The following CLVS1 variants were observed in gnomAD, a reference collection of about 807,000 sequenced individuals.
The protein encoded by CLVS1 is clavesin 1.
CLVS1 carries 10 observed loss-of-function variants against 33.1 expected under a neutral mutation model. The ratio of observed to expected loss-of-function variants is 0.30; its 90% CI spans 0.19 to 0.51. CLVS1 has a LOEUF of 0.51. Among genes scored for constraint, CLVS1 ranks in the 20% least tolerant of loss-of-function variants. CLVS1 has a pLI of 0.97. For synonymous variants in CLVS1, 163 were observed against 166.1 expected, an observed-to-expected ratio of 0.98 and a Z score of 0.14; for missense variants, 343 against 433.4, an observed-to-expected ratio of 0.79 and a Z score of 1.85.
Position 61,458,497 on chromosome 8 carries a change from C to T in CLVS1, c.932C>T (p.Thr311Met), listed in dbSNP as rs376667750. The T allele has an allele frequency of 8.1e-6, 13 of 1,613,296 alleles. No individual in the cohort carries two copies. The highest frequency in any genetic ancestry group is 1.1e-5 in the South Asian group (1 of 90,950). ...TSYNAMHVKHTSSNLERECSP... is the reference protein window; with the variant it reads ...TSYNAMHVKHMSSNLERECSP... ...TATAATGCAATGCACGTGAAGCATA[C>T]GTCCTCGAATCTGGAGAGAGAATGC... is the stretch of plus-strand genomic sequence containing the variant. The change falls in exon 5 of 6, where the codon ACG becomes ATG. Residue 311 changes from threonine (T) to methionine (M), a missense_variant. By Grantham distance (81) the Thr-to-Met change is moderately conservative (BLOSUM62 -1). Coordinates refer to ENST00000325897, the MANE Select transcript of CLVS1 (RefSeq NM_173519.3).
chr8:61,403,876 T>C (rs905266474), intron 3 of CLVS1, among the ~76,000 whole-genome samples: 1 of 152,182 alleles, frequency 6.6e-6, no homozygotes, highest in Admixed American at 6.5e-5. Flanking sequence ...AAATGGGAAA[T>C]GCTGCTTCGA....
chr8:61,245,621 T>A (rs1050931159), intron 2 of CLVS1, among the ~76,000 whole-genome samples: 1 of 151,898 alleles, frequency 6.6e-6, no homozygotes, highest in African/African-American at 2.4e-5. Flanking sequence ...TCTTATATCA[T>A]CAGCATCTTA....
At chr8:61,260,435 T>C (rs767159704) in intron 2 of CLVS1, among the ~76,000 whole-genome samples, 7 of 152,214 alleles carry the variant, frequency 4.6e-5, no homozygotes, top group Non-Finnish European at 8.8e-5. Flanking sequence ...CATTTTTCCT[T>C]AGGCTGCTAG....
chr8:61,140,062 C>T (rs542947256), intron 2 of CLVS1, among the ~76,000 whole-genome samples: 1 of 152,228 alleles, frequency 6.6e-6, no homozygotes, highest in East Asian at 1.9e-4. Context: ...AAGTTAAGTC[C>T]TTCTAGAAGG....
chr8:61,122,602 A>ACACC (rs1355179743), intron 1 of CLVS1, among the ~76,000 whole-genome samples: 49 of 151,826 alleles, frequency 3.2e-4, no homozygotes, highest in African/African-American at 1.2e-3. Context: ...ACACACACAC[A>ACACC]CACACACACA....
intron 2 of CLVS1, among the ~76,000 whole-genome samples, chr8:61,310,029 T>C (rs986884802): frequency 5.9e-5 from 9 of 152,092 alleles, no homozygotes; most frequent in African/African-American, 2.2e-4. Context: ...ATGGTGAATA[T>C]TGGTGAGGAA....
chr8:60,986,506 A>T, the CLVS1 span, among the ~76,000 whole-genome samples: 1 of 152,226 alleles, frequency 6.6e-6, no homozygotes, highest in Admixed American at 6.5e-5. Flanking sequence ...CTCAGTGGGG[A>T]CCATTTGCAA....
At chr8:61,375,508 C>T (rs1813608804) in intron 2 of CLVS1, among the ~76,000 whole-genome samples, 1 of 152,144 alleles carries the variant, frequency 6.6e-6, no homozygotes, top group Admixed American at 6.5e-5. Flanking sequence ...GCTTCGGCCT[C>T]TAAAAGTCCT....
In CLVS1 at chr8:61,457,166, A is replaced by T. The variant is rs991766677; in HGVS notation, c.742-1141A>T. Among the ~76,000 whole-genome samples the T allele has an allele frequency of 4.6e-5, 7 of 151,976 alleles. No individual in the cohort carries two copies. In the South Asian group the frequency reaches 1.5e-3, roughly 32 times the overall value. ...TGGCCAGGCTGGTCTCGAACTCCTG[A>T]CCTCAGGTGATCTGCCCTCCTCAGC... On this transcript the variant is annotated intron_variant, in intron 4 of 5. Coordinates refer to ENST00000325897, the MANE Select transcript of CLVS1 (RefSeq NM_173519.3).
intron 1 of CLVS1, among the ~76,000 whole-genome samples, chr8:61,292,785 G>C (rs764941737): frequency 3.3e-5 from 5 of 152,072 alleles, no homozygotes; most frequent in Non-Finnish European, 7.4e-5. Flanking sequence ...TTCAATTAAA[G>C]ACTTTTTCTA....
chr8:61,258,213 A>G (rs1368429105), intron 2 of CLVS1, among the ~76,000 whole-genome samples: 2 of 152,234 alleles, frequency 1.3e-5, no homozygotes, highest in Non-Finnish European at 2.9e-5. Context: ...TTTGATAATG[A>G]ACAAGAAATG....
intron 1 of CLVS1, among the ~76,000 whole-genome samples, chr8:61,124,864 T>C (rs774821028): frequency 6.6e-6 from 1 of 152,160 alleles, no homozygotes; most frequent in Non-Finnish European, 1.5e-5. Flanking sequence ...CAGTGCCTCA[T>C]GTGCCAGTGA....
At chr8:61,015,429 A>T in the CLVS1 span, among the ~76,000 whole-genome samples, 6 of 152,186 alleles carry the variant, frequency 3.9e-5, no homozygotes, top group Non-Finnish European at 7.4e-5. Flanking sequence ...TCTTGTTTTA[A>T]TAGTGTTTAG....
intron 1 of CLVS1, among the ~76,000 whole-genome samples, chr8:61,293,326 G>A (rs1810063556): frequency 6.6e-6 from 1 of 152,114 alleles, no homozygotes; most frequent in African/African-American, 2.4e-5. Context: ...TGAATTCAGG[G>A]TCACTTTTTA....
chr8:60,994,992 C>T, the CLVS1 span, among the ~76,000 whole-genome samples: 1 of 151,926 alleles, frequency 6.6e-6, no homozygotes, highest in Non-Finnish European at 1.5e-5. Context: ...CCCTTCCTTA[C>T]ATCTTATACA....
At chr8:61,108,130 G>A (rs1805569699) in intron 1 of CLVS1, among the ~76,000 whole-genome samples, 2 of 151,090 alleles carry the variant, frequency 1.3e-5, no homozygotes, top group African/African-American at 2.4e-5. Context: ...ATTTAGCCAG[G>A]CGTGGTGGTG....
At chr8:61,123,495 T>C (rs1289865152) in intron 1 of CLVS1, among the ~76,000 whole-genome samples, 1 of 152,232 alleles carries the variant, frequency 6.6e-6, no homozygotes, top group Admixed American at 6.5e-5. Flanking sequence ...ATAGTTCAAA[T>C]TGTTCTCCAA....
intron 2 of CLVS1, among the ~76,000 whole-genome samples, chr8:61,167,078 G>A (rs1307966229): frequency 6.6e-6 from 1 of 151,268 alleles, no homozygotes; most frequent in Non-Finnish European, 1.5e-5. Flanking sequence ...AATTTTATTA[G>A]ACTTTTGGGA....
chr8:61,416,772 G>C (rs1815456056), intron 3 of CLVS1, among the ~76,000 whole-genome samples: 1 of 152,182 alleles, frequency 6.6e-6, no homozygotes, highest in South Asian at 2.1e-4. Context: ...CCTTGATGCA[G>C]TTGCCAGCTG....
Sources: allele counts gnomAD v4.1 joint callset (sites outside exome capture counted in the v4.1 genomes callset), GRCh38; gene constraint gnomAD v4.1.1; transcripts MANE v1.5; gene names NCBI Gene and HGNC (gene_info 2026-07-23, HGNC 2026-07-21).